Variants in CDK12 observed in about 807,000 individuals in gnomAD.
CDK12 encodes the protein cyclin-dependent kinase 12.
CDK12 carries 17 observed loss-of-function variants against 133.8 expected under a neutral mutation model. The observed-to-expected ratio is 0.13, with a 90% CI of 0.09 to 0.19. The LOEUF is 0.19. Among genes scored for constraint, CDK12 ranks in the 10% least tolerant of loss-of-function variants. CDK12 has a pLI of 1.00. For missense variants in CDK12, 1,508 were observed against 1,818.7 expected (o/e 0.83, Z 3.11); for synonymous variants, 694 against 683.6 (o/e 1.02, Z -0.24).
intron 6 of CDK12, among the ~76,000 whole-genome samples, chr17:39,502,988 A>G (rs1457157650): frequency 6.6e-6 from 1 of 152,168 alleles, no homozygotes; most frequent in African/African-American, 2.4e-5. Flanking sequence ...GACAGGGATC[A>G]GCATCACTTG....
At chr17:39,465,139 G>A (rs759653080) in intron 1 of CDK12, among the ~76,000 whole-genome samples, 2 of 151,486 alleles carry the variant, frequency 1.3e-5, no homozygotes, top group African/African-American at 4.9e-5. Flanking sequence ...CCAGCTACTC[G>A]GAAGGCTGAG....
intron 1 of CDK12, among the ~76,000 whole-genome samples, chr17:39,540,756 G>A (rs1374853853): frequency 1.3e-5 from 2 of 152,084 alleles, no homozygotes; most frequent in Non-Finnish European, 2.9e-5. Context: ...GGCGGGGGTC[G>A]GCGGGGGACT....
At chr17:39,513,302 T>TA (rs2053604004) in intron 8 of CDK12, among the ~76,000 whole-genome samples, 1 of 152,240 alleles carries the variant, frequency 6.6e-6, no homozygotes, top group Admixed American at 6.6e-5. Context: ...AGCAAATCAC[T>TA]TCTTTCCATT....
Position 39,471,608 on chromosome 17 carries a change from A to T in CDK12, c.1776A>T (p.Thr592=). ...STLPPSTHSK[T]SAVSSQANSQ... ...TGCCCCCTTCTACTCACTCAAAGACATCTGCTGTGTCCTCTCAGGCAAATT... is the reference window on the plus strand; with the variant it reads ...TGCCCCCTTCTACTCACTCAAAGACTTCTGCTGTGTCCTCTCAGGCAAATT... The change falls in exon 2 of 14, where the codon ACA becomes ACT. Residue 592 remains threonine, a synonymous_variant. Coordinates refer to ENST00000447079, the MANE Select transcript of CDK12 (RefSeq NM_016507.4). 3.7e-6 allele frequency: 6 copies of T among 1,614,090 alleles called. No homozygotes were observed. Among genetic ancestry groups the T allele is most frequent in the Non-Finnish European group, 5.1e-6 (6 of 1,180,012 alleles).
At chr17:39,496,834 A>G (rs562029847) in intron 5 of CDK12, among the ~76,000 whole-genome samples, 128 of 151,572 alleles carry the variant, frequency 8.4e-4, no homozygotes, top group Non-Finnish European at 1.5e-3. Flanking sequence ...TTCATATTTA[A>G]TGTCAGATTC....
chr17:39,518,402 AGTGC>A (rs2053947241), intron 10 of CDK12, among the ~76,000 whole-genome samples: 1 of 151,590 alleles, frequency 6.6e-6, no homozygotes, highest in Non-Finnish European at 1.5e-5. Flanking sequence ...CCTGGGCTCA[AGTGC>A]TCTTCCTGCC....
intron 5 of CDK12, among the ~76,000 whole-genome samples, chr17:39,500,424 G>T (rs377647936): frequency 6.6e-6 from 1 of 152,156 alleles, no homozygotes; most frequent in East Asian, 1.9e-4. Flanking sequence ...CCTGAGGTCA[G>T]GAGTTTGAGA....
At chr17:39,528,931 G>C (rs1307218117) in intron 13 of CDK12, among the ~76,000 whole-genome samples, 1 of 152,152 alleles carries the variant, frequency 6.6e-6, no homozygotes, top group African/African-American at 2.4e-5. Context: ...AAAGCAAAAG[G>C]CTCTGAAATC....
chr17:39,502,635 T>A (rs1020105954), intron 6 of CDK12, among the ~76,000 whole-genome samples: 1 of 152,144 alleles, frequency 6.6e-6, no homozygotes. Context: ...GCAGGAGAAA[T>A]AAATAAATTA....
chr17:39,521,824 A>G (rs1450428700), intron 11 of CDK12, among the ~76,000 whole-genome samples: 5 of 147,522 alleles, frequency 3.4e-5, no homozygotes, highest in Non-Finnish European at 7.4e-5. Context: ...AGCCTCCCAA[A>G]GTGTTGGGAT....
intron 13 of CDK12, among the ~76,000 whole-genome samples, chr17:39,529,104 G>A (rs2054668588): frequency 6.6e-6 from 1 of 152,040 alleles, no homozygotes; most frequent in Admixed American, 6.6e-5. Context: ...CTATACATAG[G>A]GTCACCAATT....
chr17:39,523,819 A>C (rs2054325865), intron 11 of CDK12, among the ~76,000 whole-genome samples: 1 of 151,942 alleles, frequency 6.6e-6, no homozygotes, highest in Non-Finnish European at 1.5e-5. Flanking sequence ...ACACTTGGCT[A>C]ATTTTTGTAT....
intron 7 of CDK12, among the ~76,000 whole-genome samples, chr17:39,510,832 C>T (rs2053454888): frequency 6.6e-6 from 1 of 150,862 alleles, no homozygotes; most frequent in Admixed American, 6.6e-5. Flanking sequence ...ACGCTGGTCT[C>T]GAACTCCCGA....
intron 2 of CDK12, among the ~76,000 whole-genome samples, chr17:39,551,762 C>T (rs1389883139): frequency 6.6e-6 from 1 of 152,158 alleles, no homozygotes; most frequent in East Asian, 1.9e-4. Flanking sequence ...CAGCTGTACC[C>T]ATCCCCAACC....
At chr17:39,475,272 C>G (rs2050108332) in intron 2 of CDK12, among the ~76,000 whole-genome samples, 1 of 151,918 alleles carries the variant, frequency 6.6e-6, no homozygotes, top group Non-Finnish European at 1.5e-5. Context: ...GAGTTCAAAA[C>G]CAGCCTGGAC....
intron 1 of CDK12, among the ~76,000 whole-genome samples, chr17:39,464,379 C>A (rs184145019): frequency 6.7e-6 from 1 of 148,304 alleles, no homozygotes; most frequent in African/African-American, 2.5e-5. Flanking sequence ...TGCCACCATG[C>A]CTGGCTAATT....
intron 1 of CDK12, among the ~76,000 whole-genome samples, chr17:39,465,892 A>G (rs1597906121): frequency 6.6e-6 from 1 of 152,202 alleles, no homozygotes; most frequent in South Asian, 2.1e-4. Flanking sequence ...ACTTTAGGGT[A>G]TGGGAATAGA....
Position 39,490,714 on chromosome 17 carries a change from C to G in CDK12, c.2089C>G (p.Pro697Ala). The G allele has an allele frequency of 6.2e-7, 1 of 1,610,718 alleles. No individual in the cohort carries two copies. Among genetic ancestry groups the G allele is most frequent in the Non-Finnish European group, 8.5e-7 (1 of 1,178,564 alleles). ...AAAGGCAATCACACCACCTCAGCAA[C>G]CATATAAAAAGAGACCAAAGTGAGT... ...EPKAITPPQQPYKKRPKICCP... is the reference protein window; with the variant it reads ...EPKAITPPQQAYKKRPKICCP... Residue 697 changes from proline to alanine, a missense_variant, in exon 3 of 14, where the codon CCA becomes GCA. Coordinates refer to ENST00000447079, the MANE Select transcript of CDK12 (RefSeq NM_016507.4).
Position 39,530,604 on chromosome 17 carries a change from C to A in CDK12, c.3761C>A (p.Ala1254Glu). The change falls in exon 14 of 14, where the codon GCA becomes GAA. Residue 1254 changes from alanine to glutamate, a missense_variant and splice_region_variant. This residue lies in a region of CDK12 where 399 missense variants were observed against 469.6 expected (regional missense o/e 0.85). Coordinates refer to ENST00000447079, the MANE Select transcript of CDK12 (RefSeq NM_016507.4). ...TTTAAAAGAAGTAACCCTTCCACAGCATGTCCTCCTCACATTCTTCCACCA... is the reference window on the plus strand; with the variant it reads ...TTTAAAAGAAGTAACCCTTCCACAGAATGTCCTCCTCACATTCTTCCACCA... ...TPTMPQEEAA[A>E]CPPHILPPEK... 1 of 1,581,756 alleles carries A rather than the reference C, an allele frequency of 6.3e-7. No homozygotes were observed. The highest frequency in any genetic ancestry group is 8.6e-7 in the Non-Finnish European group (1 of 1,163,046).
Sources: allele counts gnomAD v4.1 joint callset (sites outside exome capture counted in the v4.1 genomes callset), GRCh38; gene constraint gnomAD v4.1.1; regional missense constraint gnomAD v4.1.1; transcripts MANE v1.5; gene names NCBI Gene and HGNC (gene_info 2026-07-23, HGNC 2026-07-21).